Variants in PTPRN2 observed in about 807,000 individuals in gnomAD.
PTPRN2 encodes the protein protein tyrosine phosphatase receptor type N2.
PTPRN2 carries 74 observed loss-of-function variants against 118.8 expected under a neutral mutation model. That is an observed-to-expected ratio of 0.62 (90% CI 0.52 to 0.76). The LOEUF is 0.76. Among genes scored for constraint, PTPRN2 ranks in the 30% least tolerant of loss-of-function variants. The pLI is 0.00. For missense variants in PTPRN2, 1,481 were observed against 1,394.4 expected, an observed-to-expected ratio of 1.06 and a Z score of -0.99; for synonymous variants, 641 against 608.0, an observed-to-expected ratio of 1.05 and a Z score of -0.80.
At chr7:158,454,206 G>A (rs1818291471) in intron 2 of PTPRN2, among the ~76,000 whole-genome samples, 1 of 152,102 alleles carries the variant, frequency 6.6e-6, no homozygotes, top group African/African-American at 2.4e-5. Flanking sequence ...CTGATGTGAG[G>A]ATTGGGGATG....
At chr7:158,123,394 GGTGACCGACGCCGCA>G (rs1817335801) in intron 9 of PTPRN2, among the ~76,000 whole-genome samples, 1 of 152,152 alleles carries the variant, frequency 6.6e-6, no homozygotes, top group East Asian at 1.9e-4. Context: ...CCGACGCCAT[GGTGACCGACGCCGCA>G]GTGACCGACA....
rs931669660 is a variant in PTPRN2, at chr7:157,598,221, C to T, written c.2419-2906G>A. Among the ~76,000 whole-genome samples, 1 of 152,232 alleles carries T rather than the reference C, an allele frequency of 6.6e-6. No homozygotes were observed. The highest frequency in any genetic ancestry group is 2.4e-5 in the African/African-American group (1 of 41,460). ...TTCCCCACCCAGCGATCACACGGCA[C>T]CTACTCTGGCTTCCTCCGGTCTTCA... On this transcript the variant is annotated intron_variant, in intron 16 of 22. Coordinates refer to ENST00000389418, the MANE Select transcript of PTPRN2 (RefSeq NM_002847.5). The surrounding 1 kb of genome is among the most constrained non-coding windows in gnomAD (Gnocchi z 5.2).
At chr7:158,226,689 TTTCC>T (rs1396226654) in intron 3 of PTPRN2, among the ~76,000 whole-genome samples, 6 of 43,164 alleles carry the variant, frequency 1.4e-4, no homozygotes, top group African/African-American at 2.1e-4. Context: ...TTTTTTTTTT[TTTCC>T]GGTGGTATCC....
At chr7:158,230,987 C>T (rs1345599388) in intron 3 of PTPRN2, among the ~76,000 whole-genome samples, 2 of 152,162 alleles carry the variant, frequency 1.3e-5, no homozygotes, top group African/African-American at 4.8e-5. Flanking sequence ...ATATTTCAGG[C>T]TGGGCACAGA....
At chr7:157,754,299 C>T (rs915248208) in intron 12 of PTPRN2, among the ~76,000 whole-genome samples, 1 of 152,226 alleles carries the variant, frequency 6.6e-6, no homozygotes, top group African/African-American at 2.4e-5. Flanking sequence ...CACTGAGCCA[C>T]GTTACCTGGT....
At position 157,719,784 on chromosome 7, in the gene PTPRN2, C is replaced by T. The variant is rs1226985511; in HGVS notation, c.1789-36847G>A. On this transcript the variant is annotated intron_variant, in intron 12 of 22. Transcript: ENST00000389418. The stretch of plus-strand genomic sequence containing the variant: ...TCTCCGGCCTTCCCGCAGTTGCCCG[C>T]GTACTTTCTTCATTCCTCAAAGGTC... Among the ~76,000 whole-genome samples the T allele has an allele frequency of 5.9e-5, 9 of 152,358 alleles. No individual in the cohort carries two copies. The South Asian group carries it at 6.2e-4, about 11-fold the overall frequency.
chr7:158,321,718 G>T (rs763280601), intron 2 of PTPRN2, among the ~76,000 whole-genome samples: 15 of 152,214 alleles, frequency 9.9e-5, no homozygotes, highest in Non-Finnish European at 2.2e-4. Context: ...GAACAGGTTT[G>T]CCTATGAAAA....
intron 11 of PTPRN2, among the ~76,000 whole-genome samples, chr7:157,909,039 T>A (rs909081103): frequency 1.3e-5 from 2 of 152,170 alleles, no homozygotes; most frequent in East Asian, 3.8e-4. Context: ...GGGAATAAAA[T>A]GCATTTACAA....
chr7:157,995,680 C>T (rs1804671519), intron 11 of PTPRN2, among the ~76,000 whole-genome samples: 1 of 152,256 alleles, frequency 6.6e-6, no homozygotes, highest in Non-Finnish European at 1.5e-5. Flanking sequence ...GGGCAGCCTG[C>T]TTTGCCTCAG....
intron 13 of PTPRN2, among the ~76,000 whole-genome samples, chr7:157,680,183 G>A (rs56999600): frequency 0.41 from 62,584 of 152,060 alleles, 14,091 homozygotes; most frequent in Non-Finnish European, 0.52. Flanking sequence ...AGTAGTTCCA[G>A]CATGTCCCCA....
At chr7:157,875,323 C>T (rs747887425) in intron 12 of PTPRN2, among the ~76,000 whole-genome samples, 18 of 152,146 alleles carry the variant, frequency 1.2e-4, no homozygotes, top group Non-Finnish European at 4.4e-5. Flanking sequence ...CCGTGAGAGC[C>T]GAGGGAGCGC....
In PTPRN2 at chr7:158,505,127, C is replaced by T. The variant is rs140266235; in HGVS notation, c.113-15342G>A. Among the ~76,000 whole-genome samples, 468 of 152,260 alleles carry T rather than the reference C, an allele frequency of 3.1e-3. 16 individuals carry two copies. The highest frequency in any genetic ancestry group is 0.029 in the Admixed American group (448 of 15,290). On this transcript the variant is annotated intron_variant, in intron 1 of 22. Transcript: ENST00000389418. ...ACTCTGATGCAGGTAGGATTATCAT[C>T]GCATCATAAATCACTCAGGGACCTG...
chr7:158,071,568 C>CTGGTGGAGATGCTCGTGG (rs1811696980), intron 11 of PTPRN2, among the ~76,000 whole-genome samples: 1 of 7,146 alleles, frequency 1.4e-4, no homozygotes, highest in Non-Finnish European at 3.2e-4. Flanking sequence ...GGAGGTGCTC[C>CTGGTGGAGATGCTCGTGG]TGGTGGAGGT....
intron 3 of PTPRN2, among the ~76,000 whole-genome samples, chr7:158,210,926 G>A (rs1313592415): frequency 6.6e-6 from 1 of 152,154 alleles, no homozygotes; most frequent in Admixed American, 6.5e-5. Flanking sequence ...AAAGATAGAG[G>A]AGGAGGAAAC....
intron 11 of PTPRN2, among the ~76,000 whole-genome samples, chr7:157,997,413 G>T (rs1804837254): frequency 6.6e-6 from 1 of 152,346 alleles, no homozygotes; most frequent in Admixed American, 6.5e-5. Flanking sequence ...ACAGGGGGCT[G>T]CTCTTTCCAT....
At chr7:158,127,610 G>A (rs1036942484) in intron 9 of PTPRN2, among the ~76,000 whole-genome samples, 1 of 152,180 alleles carries the variant, frequency 6.6e-6, no homozygotes, top group Admixed American at 6.5e-5. Context: ...CTGACTACAG[G>A]TTTCACTTCC....
At chr7:158,306,878 T>G (rs962517115) in intron 3 of PTPRN2, among the ~76,000 whole-genome samples, 6 of 148,256 alleles carry the variant, frequency 4.0e-5, no homozygotes, top group South Asian at 2.1e-4. Flanking sequence ...TTTTTTTTTT[T>G]TTTTTTTAGA....
At chr7:157,838,406 T>C (rs899997522) in intron 12 of PTPRN2, among the ~76,000 whole-genome samples, 3 of 139,112 alleles carry the variant, frequency 2.2e-5, no homozygotes, top group South Asian at 5.0e-4. Context: ...GTTCCTCTCA[T>C]AGTGGATGGC....
Position 157,642,823 on chromosome 7 carries a change from A to G in PTPRN2, c.2196+13534T>C, listed in dbSNP as rs1243155156. The stretch of plus-strand genomic sequence containing the variant: ...CCAAGTCAAGAAACAGCAAAAAAAA[A>G]AAAAAAAAAAAAAAAAAAAAAGCAG... On this transcript the variant is annotated intron_variant, in intron 14 of 22. Coordinates refer to ENST00000389418, the MANE Select transcript of PTPRN2 (RefSeq NM_002847.5). Among the ~76,000 whole-genome samples, 430 of 136,938 alleles carry G rather than the reference A, an allele frequency of 3.1e-3. 4 individuals are homozygous for G. The highest frequency in any genetic ancestry group is 0.012 in the African/African-American group (408 of 33,160). 89.8% of individuals were successfully genotyped at this position (136,938 alleles called of 152,430 possible).
Sources: allele counts gnomAD v4.1 joint callset (sites outside exome capture counted in the v4.1 genomes callset), GRCh38; gene constraint gnomAD v4.1.1; non-coding constraint Gnocchi (gnomAD v3.1); transcripts MANE v1.5; gene names NCBI Gene and HGNC (gene_info 2026-07-23, HGNC 2026-07-21).